CHEK1: variants seen among roughly 807,000 people sequenced by gnomAD.
The protein encoded by CHEK1 is serine/threonine-protein kinase Chk1.
A neutral mutation model predicts 60.2 loss-of-function variants in CHEK1; 32 were observed. The ratio of observed to expected loss-of-function variants is 0.53; its 90% CI spans 0.40 to 0.71. CHEK1 has a LOEUF of 0.71. Among genes scored for constraint, CHEK1 ranks in the 30% least tolerant of loss-of-function variants. The pLI is 0.00. For synonymous variants in CHEK1, 179 were observed against 187.2 expected (o/e 0.96, Z 0.36); for missense variants, 399 against 564.6 (o/e 0.71, Z 2.97).
chr11:125,671,629 G>A (rs1290486292), intron 13 of CHEK1: 1 of 152,138 alleles, frequency 6.6e-6, no homozygotes, highest in Non-Finnish European at 1.5e-5. Context: ...TTTCATTGTG[G>A]TGGAAACAGC....
chr11:125,668,940 G>A (rs2134094866), intron 13 of CHEK1, among the ~76,000 whole-genome samples: 1 of 151,936 alleles, frequency 6.6e-6, no homozygotes, highest in East Asian at 1.9e-4. Flanking sequence ...TCTTATCACA[G>A]TTTAAAGTTA....
Position 125,657,102 on chromosome 11 carries a change from T to C in CHEK1, c.*1782T>C, listed in dbSNP as rs964665283. 1 of 178,718 alleles carries C rather than the reference T, an allele frequency of 5.6e-6. No individual in the cohort carries two copies. The highest frequency in any genetic ancestry group is 2.4e-5 in the African/African-American group (1 of 42,340). The allele number at this position is 178,718 out of a possible 1,614,324, so 11.1% of individuals were successfully genotyped here. On this transcript the variant is annotated 3_prime_UTR_variant, in exon 13 of 13. Coordinates refer to ENST00000438015, the MANE Select transcript of CHEK1 (RefSeq NM_001114122.3). Reference sequence around the variant, plus strand: ...CATTATATTGTTGTGGGAAGGTATTTACTCCTATTATTAAAAATAAAAATG... The same window carrying C: ...CATTATATTGTTGTGGGAAGGTATTCACTCCTATTATTAAAAATAAAAATG...
At chr11:125,679,619 TG>T (rs745761798), downstream of CHEK1, among the ~76,000 whole-genome samples, 3 of 152,234 alleles carry the variant, frequency 2.0e-5, no homozygotes, top group Non-Finnish European at 4.4e-5. Flanking sequence ...TTGATTAAAC[TG>T]AGCCACCTAG....
At chr11:125,654,554 TAG>T (rs1272803831) in intron 12 of CHEK1, among the ~76,000 whole-genome samples, 1 of 152,210 alleles carries the variant, frequency 6.6e-6, no homozygotes, top group Non-Finnish European at 1.5e-5. Flanking sequence ...ATTTTATGCA[TAG>T]ATTTTTTTGT....
intron 11 of CHEK1, among the ~76,000 whole-genome samples, chr11:125,650,750 T>C (rs11220174): frequency 0.11 from 16,403 of 152,204 alleles, 1,176 homozygotes; most frequent in Admixed American, 0.23. Context: ...CTTATATAAT[T>C]TTTTAAAGTT....
chr11:125,633,437 G>GT, intron 6 of CHEK1, 86 bp downstream of exon 6: 1 of 1,193,000 alleles, frequency 8.4e-7, no homozygotes, highest in South Asian at 2.0e-5. Flanking sequence ...AGGAATTCAT[G>GT]TTTATATAAT....
At chr11:125,637,632 TA>T in intron 8 of CHEK1, 88 bp downstream of exon 8, 2 of 814,046 alleles carry the variant, frequency 2.5e-6, no homozygotes, top group Admixed American at 2.3e-5. Flanking sequence ...CAACACATGA[TA>T]GCTATGATCT....
intron 11 of CHEK1, among the ~76,000 whole-genome samples, chr11:125,646,375 T>C (rs1941506980): frequency 6.6e-6 from 1 of 152,204 alleles, no homozygotes; most frequent in African/African-American, 2.4e-5. Flanking sequence ...ATTCATCCAC[T>C]CATGGACATT....
chr11:125,657,896 A>G (rs1196223079), downstream of CHEK1, among the ~76,000 whole-genome samples: 1 of 140,284 alleles, frequency 7.1e-6, no homozygotes, highest in Non-Finnish European at 1.6e-5. Flanking sequence ...TGTTTTCTAA[A>G]GTGATTGTAC....
chr11:125,635,673 G>T, intron 7 of CHEK1, 140 bp downstream of exon 7: 1 of 520,372 alleles, frequency 1.9e-6, no homozygotes, highest in Non-Finnish European at 3.3e-6. Context: ...GTAACTATAA[G>T]TAAAAAATTA....
At chr11:125,661,053 A>G (rs539893514), downstream of CHEK1, among the ~76,000 whole-genome samples, 1 of 152,054 alleles carries the variant, frequency 6.6e-6, no homozygotes, top group African/African-American at 2.4e-5. Context: ...TGGGATTACA[A>G]GCGTGAGCCA....
chr11:125,631,416 T>C, intron 5 of CHEK1, among the ~76,000 whole-genome samples: 1 of 152,202 alleles, frequency 6.6e-6, no homozygotes, highest in East Asian at 1.9e-4. Flanking sequence ...AATTTTATTA[T>C]GTGCAGTTCT....
rs1156610498 is a variant in CHEK1 at position 125,626,039 on chromosome 11, G to T, written c.-21+27G>T. 11 of 692,356 alleles carry T rather than the reference G, an allele frequency of 1.6e-5. No individual in the cohort carries two copies. In the East Asian group the frequency reaches 2.7e-4, roughly 17 times the overall value. 42.9% of individuals were successfully genotyped at this position (692,356 alleles called of 1,614,324 possible). On this transcript the variant is annotated intron_variant, in intron 1 of 12. Transcript: ENST00000438015. ...TGAGGAAGGGCGGCCGGTAGAGTAG[G>T]GAAGGTTTCTAAAGAAGGAGTTCGG...
At chr11:125,660,737 T>A (rs1941996418), downstream of CHEK1, among the ~76,000 whole-genome samples, 1 of 148,904 alleles carries the variant, frequency 6.7e-6, no homozygotes, top group Non-Finnish European at 1.5e-5. Flanking sequence ...ATGATTTTCA[T>A]AAAGGATTTA....
rs184932784 is a variant in CHEK1, at chr11:125,655,844, T to C, written c.*524T>C. On this transcript the variant is annotated 3_prime_UTR_variant, in exon 13 of 13. Coordinates refer to ENST00000438015, the MANE Select transcript of CHEK1 (RefSeq NM_001114122.3). ...ATTTTCAAAAGGGCCTGGCCAGTTA[T>C]ATAAACCTGTTTTTGAATTATAATG... The C allele has an allele frequency of 2.1e-3, 442 of 211,740 alleles. 1 individual carries two copies. Among genetic ancestry groups the C allele is most frequent in the African/African-American group, 9.0e-3 (398 of 44,354 alleles). The allele number at this position is 211,740 out of a possible 1,614,324, so 13.1% of individuals were successfully genotyped here.
intron 7 of CHEK1, chr11:125,636,217 C>T (rs1277993813): frequency 6.6e-6 from 1 of 152,062 alleles, no homozygotes; most frequent in Non-Finnish European, 1.5e-5. Context: ...AAAATGAGAT[C>T]ACACTAATAA....
chr11:125,648,577 G>T (rs1320654980), intron 11 of CHEK1, among the ~76,000 whole-genome samples: 1 of 146,156 alleles, frequency 6.8e-6, no homozygotes, highest in Non-Finnish European at 1.5e-5. Flanking sequence ...TCAAGACTCC[G>T]TCTCAAAAAA....
intron 11 of CHEK1, among the ~76,000 whole-genome samples, chr11:125,650,439 G>A (rs929540488): frequency 4.2e-5 from 6 of 141,378 alleles, no homozygotes; most frequent in Non-Finnish European, 9.3e-5. Context: ...GTAGTTGTTT[G>A]TTTTTTTTAG....
At chr11:125,669,136 C>T (rs985306554) in intron 13 of CHEK1, among the ~76,000 whole-genome samples, 1 of 152,016 alleles carries the variant, frequency 6.6e-6, no homozygotes, top group South Asian at 2.1e-4. Context: ...TTTACTATAT[C>T]TGGAACTGTT....
Sources: gnomAD v4.1 joint callset for allele counts (sites outside exome capture counted in the v4.1 genomes callset) on GRCh38, gnomAD v4.1.1 for gene constraint, MANE v1.5 for transcripts, NCBI Gene and HGNC (gene_info 2026-07-23, HGNC 2026-07-21) for gene names.